Variants in FHIT observed in about 807,000 individuals in gnomAD.
FHIT encodes the protein fragile histidine triad diadenosine triphosphatase.
A neutral mutation model predicts 17.9 loss-of-function variants in FHIT; 19 were observed. That is an observed-to-expected ratio of 1.06 (90% CI 0.74 to 1.56). The LOEUF (loss-of-function observed/expected upper bound fraction) is 1.56. Among genes scored for constraint, FHIT ranks in the 40% most tolerant of loss-of-function variants. The probability of loss-of-function intolerance (pLI) is 0.00; values close to 1 mark genes in which losing one functional copy is unlikely to be tolerated. For missense variants in FHIT, 248 were observed against 189.2 expected (o/e 1.31, Z -1.82); for synonymous variants, 81 against 69.7 (o/e 1.16, Z -0.81).
At chr3:60,964,887 G>T (rs1201573892) in intron 3 of FHIT, among the ~76,000 whole-genome samples, 1 of 152,072 alleles carries the variant, frequency 6.6e-6, no homozygotes, top group Non-Finnish European at 1.5e-5. Flanking sequence ...TTCAACTTTG[G>T]TGAATCTGAC....
At chr3:60,405,516 A>G (rs1701824809) in intron 5 of FHIT, among the ~76,000 whole-genome samples, 1 of 152,132 alleles carries the variant, frequency 6.6e-6, no homozygotes, top group African/African-American at 2.4e-5. Context: ...GTGCATCCTC[A>G]TTCTTCTTGG....
intron 4 of FHIT, among the ~76,000 whole-genome samples, chr3:60,606,267 G>A (rs2038606004): frequency 6.7e-6 from 1 of 149,452 alleles, no homozygotes. Flanking sequence ...TTGAGATGGA[G>A]TCTCGTTCTG....
chr3:60,655,508 G>A (rs2040094739), intron 4 of FHIT, among the ~76,000 whole-genome samples: 1 of 152,166 alleles, frequency 6.6e-6, no homozygotes, highest in East Asian at 1.9e-4. Flanking sequence ...GCAGTGTACG[G>A]AAATGAGACA....
At chr3:60,798,599 C>T (rs2594164) in intron 4 of FHIT, among the ~76,000 whole-genome samples, 60,034 of 152,000 alleles carry the variant, frequency 0.39, 13,330 homozygotes, top group East Asian at 0.79. Flanking sequence ...CTGGGCCCCA[C>T]AAACCTTAGA....
At chr3:60,533,590 A>G (rs1436012516) in intron 5 of FHIT, among the ~76,000 whole-genome samples, 1 of 152,172 alleles carries the variant, frequency 6.6e-6, no homozygotes, top group Non-Finnish European at 1.5e-5. Context: ...CAAACAGAGG[A>G]CAGAGTTTTG....
intron 4 of FHIT, among the ~76,000 whole-genome samples, chr3:60,652,293 A>G (rs571799908): frequency 1.3e-5 from 2 of 152,306 alleles, no homozygotes; most frequent in South Asian, 4.1e-4. Context: ...CATCACAGTT[A>G]TCATTAGTGT....
intron 3 of FHIT, among the ~76,000 whole-genome samples, chr3:60,854,375 T>C (rs1183993336): frequency 1.3e-5 from 2 of 152,232 alleles, no homozygotes; most frequent in Admixed American, 6.6e-5. Context: ...TGCTTTCAGA[T>C]GCATTAATTG....
chr3:61,219,326 AATGTGTGTGTGT>A (rs2039772228), intron 1 of FHIT, among the ~76,000 whole-genome samples: 1 of 104,966 alleles, frequency 9.5e-6, no homozygotes, highest in Non-Finnish European at 1.9e-5. Flanking sequence ...TAAATCTAAA[AATGTGTGTGTGT>A]GTGTGTGTGT....
chr3:61,219,875 G>A lies in FHIT; in HGVS notation c.-212-19210C>T, dbSNP rs556068194. On this transcript the variant is annotated intron_variant, in intron 1 of 9. Coordinates refer to ENST00000492590, the MANE Select transcript of FHIT (RefSeq NM_002012.4). ...TCTGAATTTAAACAAATATCTTTCC[G>A]AAATATAGAAACCTGCTTTGATGGT... 5.3e-5 allele frequency among the ~76,000 whole-genome samples: 8 copies of A among 152,170 alleles called. 1 individual carries two copies. In the South Asian group the frequency reaches 1.0e-3, roughly 20 times the overall value.
intron 5 of FHIT, among the ~76,000 whole-genome samples, chr3:60,466,482 T>C (rs1425958109): frequency 1.3e-5 from 2 of 152,044 alleles, no homozygotes; most frequent in Admixed American, 1.3e-4. Context: ...CTTCAGGTGT[T>C]TCCCCTTCAC....
rs1314904314 is a variant in FHIT at position 60,900,132 on chromosome 3, A to G, written c.-110-78121T>C. Reference sequence around the variant, plus strand: ...CTTTGTGAGGTCAGAAAGGCTCACTATCATGACTTGTACTGCTGTCATTGA... The same window carrying G: ...CTTTGTGAGGTCAGAAAGGCTCACTGTCATGACTTGTACTGCTGTCATTGA... On this transcript the variant is annotated intron_variant, in intron 3 of 9. Transcript: ENST00000492590. Among the ~76,000 whole-genome samples the G allele has an allele frequency of 3.3e-5, 5 of 152,344 alleles. No individual in the cohort carries two copies. In the East Asian group the frequency reaches 9.6e-4, roughly 29 times the overall value.
intron 5 of FHIT, among the ~76,000 whole-genome samples, chr3:60,509,624 C>T (rs1251942935): frequency 1.3e-5 from 2 of 151,650 alleles, no homozygotes; most frequent in East Asian, 3.9e-4. Flanking sequence ...TGCTATTTTG[C>T]TATTCGCAAG....
chr3:60,435,041 A>T (rs371728319), intron 5 of FHIT, among the ~76,000 whole-genome samples: 3 of 152,172 alleles, frequency 2.0e-5, no homozygotes, highest in African/African-American at 7.2e-5. Flanking sequence ...TAAAATACAA[A>T]GTATCCTTAT....
intron 2 of FHIT, among the ~76,000 whole-genome samples, chr3:61,195,436 G>A (rs1323413101): frequency 2.6e-5 from 4 of 152,156 alleles, no homozygotes; most frequent in Admixed American, 6.5e-5. Context: ...TGATGGTAGT[G>A]GTGGTGATGA....
rs151038486 is a variant in FHIT, at chr3:60,303,187, A to G, written c.103+233673T>C. On this transcript the variant is annotated intron_variant, in intron 5 of 9. Coordinates refer to ENST00000492590, the MANE Select transcript of FHIT (RefSeq NM_002012.4). ...ATTCAAATTGATATGCAAGCCTGTG[A>G]CAGAGGCTATCAGAAGAAACTATTT... Among the ~76,000 whole-genome samples the G allele has an allele frequency of 2.1e-3, 325 of 152,308 alleles. 2 individuals are homozygous for G. The highest frequency in any genetic ancestry group is 7.6e-3 in the African/African-American group (317 of 41,584).
At chr3:60,287,950 T>C (rs1370055589) in intron 5 of FHIT, among the ~76,000 whole-genome samples, 1 of 150,362 alleles carries the variant, frequency 6.7e-6, no homozygotes, top group Admixed American at 6.7e-5. Context: ...CAAACCACCA[T>C]AAATATTTAG....
At chr3:60,825,747 C>T (rs1702088018) in intron 3 of FHIT, among the ~76,000 whole-genome samples, 1 of 152,128 alleles carries the variant, frequency 6.6e-6, no homozygotes, top group Non-Finnish European at 1.5e-5. Flanking sequence ...CCCCCACCTC[C>T]CCATCCATGG....
chr3:59,749,848 C>T (rs1010422561), intron 9 of FHIT: 7 of 225,236 alleles, frequency 3.1e-5, no homozygotes, highest in African/African-American at 1.6e-4. Flanking sequence ...TCCCATTATA[C>T]TCCAGGTAAT....
At chr3:61,150,394 C>T (rs2037352895) in intron 2 of FHIT, among the ~76,000 whole-genome samples, 1 of 151,954 alleles carries the variant, frequency 6.6e-6, no homozygotes, top group Non-Finnish European at 1.5e-5. Context: ...TCTCCACCTC[C>T]TCTTGAGCTC....
Sources: allele counts gnomAD v4.1 joint callset (sites outside exome capture counted in the v4.1 genomes callset), GRCh38; gene constraint gnomAD v4.1.1; transcripts MANE v1.5; gene names NCBI Gene and HGNC (gene_info 2026-07-23, HGNC 2026-07-21).